Variants in CECR2 observed in about 807,000 individuals in gnomAD.
CECR2 encodes the protein CECR2 histone acetyl-lysine reader.
A neutral mutation model predicts 154.5 loss-of-function variants in CECR2; 30 were observed. That is an observed-to-expected ratio of 0.19 (90% CI 0.15 to 0.26). CECR2 has a LOEUF of 0.26. Ranked by LOEUF, CECR2 falls within the 10% of genes least tolerant of loss-of-function variation. The pLI is 1.00. For missense variants in CECR2, 1,743 were observed against 1,829.3 expected (o/e 0.95, Z 0.86); for synonymous variants, 725 against 683.7 (o/e 1.06, Z -0.94).
chr22:17,543,758 C>T (rs1407038040), intron 16 of CECR2, among the ~76,000 whole-genome samples: 1 of 152,080 alleles, frequency 6.6e-6, no homozygotes, highest in Non-Finnish European at 1.5e-5. Context: ...CAAGGTTTCA[C>T]CGTGTTGGCC....
intron 1 of CECR2, among the ~76,000 whole-genome samples, chr22:17,455,336 A>G (rs2054836405): frequency 6.6e-6 from 1 of 152,212 alleles, no homozygotes; most frequent in Admixed American, 6.5e-5. Context: ...AGAAGTTACT[A>G]TTTATTCCTC....
intron 1 of CECR2, among the ~76,000 whole-genome samples, chr22:17,370,578 C>G (rs1247540597): frequency 1.3e-5 from 2 of 152,162 alleles, no homozygotes; most frequent in African/African-American, 4.8e-5. Flanking sequence ...GCCTCTTTAT[C>G]GCGGGGCTCG....
chr22:17,525,271 G>A (rs1270842124), intron 9 of CECR2, among the ~76,000 whole-genome samples: 1 of 63,308 alleles, frequency 1.6e-5, no homozygotes, highest in Non-Finnish European at 2.8e-5. Context: ...GGCAACAAGA[G>A]TGAAACTCCA....
Position 17,549,220 on chromosome 22 carries a change from G to C in CECR2, c.3933G>C (p.Ser1311=). ...NHNAATKRQS[S]LSASEYLYGT... ...ACGCAGCTACCAAGCGGCAGAGCTC[G>C]TTGTCAGCCAGCGAGTATCTCTATG... Residue 1311 remains serine (S), a synonymous_variant, in exon 17 of 19, where the codon TCG becomes TCC. Coordinates refer to ENST00000262608, the MANE Select transcript of CECR2 (RefSeq NM_001290047.2). 1 of 1,614,004 alleles carries C rather than the reference G, an allele frequency of 6.2e-7. No homozygotes were observed. Among genetic ancestry groups the C allele is most frequent in the Non-Finnish European group, 8.5e-7 (1 of 1,179,884 alleles).
At chr22:17,367,075 A>C (rs2063005947), upstream of CECR2, among the ~76,000 whole-genome samples, 1 of 152,216 alleles carries the variant, frequency 6.6e-6, no homozygotes, top group African/African-American at 2.4e-5. Flanking sequence ...CGGATCTCCG[A>C]GCAGCACCAG....
chr22:17,412,692 C>A (rs1442197504), intron 1 of CECR2, among the ~76,000 whole-genome samples: 1 of 152,128 alleles, frequency 6.6e-6, no homozygotes. Context: ...TGTCCCTCAG[C>A]CTGCCTGGAA....
intron 1 of CECR2, among the ~76,000 whole-genome samples, chr22:17,434,062 A>G (rs1274725860): frequency 6.6e-6 from 1 of 152,088 alleles, no homozygotes; most frequent in East Asian, 1.9e-4. Flanking sequence ...CTTTTCCCCC[A>G]GTGTTTTAAA....
chr22:17,449,805 C>A, intron 1 of CECR2, among the ~76,000 whole-genome samples: 1 of 152,266 alleles, frequency 6.6e-6, no homozygotes, highest in East Asian at 1.9e-4. Flanking sequence ...ATTCTTATTT[C>A]TTAACATTTT....
At chr22:17,490,074 G>A (rs186865739) in intron 2 of CECR2, among the ~76,000 whole-genome samples, 279 of 151,670 alleles carry the variant, frequency 1.8e-3, no homozygotes, top group African/African-American at 6.4e-3. Context: ...TGACCCAAAA[G>A]TGTATTATTT....
At chr22:17,480,327 A>G (rs148891110) in intron 2 of CECR2, among the ~76,000 whole-genome samples, 1 of 151,908 alleles carries the variant, frequency 6.6e-6, no homozygotes, top group Non-Finnish European at 1.5e-5. Flanking sequence ...TGGACAAACC[A>G]CTACTGGTGT....
In CECR2 at chr22:17,555,422, C is replaced by T. The variant is rs2056762133; in HGVS notation, c.*2582C>T. 6.6e-6 allele frequency: 1 copy of T among 152,218 alleles called. No individual in the cohort carries two copies. Among genetic ancestry groups the T allele is most frequent in the Non-Finnish European group, 1.5e-5 (1 of 68,062 alleles). The allele number at this position is 152,218 out of a possible 1,614,324, so 9.4% of individuals were successfully genotyped here. On this transcript the variant is annotated 3_prime_UTR_variant, in exon 19 of 19. Coordinates refer to ENST00000262608, the MANE Select transcript of CECR2 (RefSeq NM_001290047.2). ...CCATGCCTTATAGGTACTAGTGCTTCGTCCATTGTCCAGGGAGTGTCCTGA... is the reference window on the plus strand; with the variant it reads ...CCATGCCTTATAGGTACTAGTGCTTTGTCCATTGTCCAGGGAGTGTCCTGA...
chr22:17,499,612 A>G (rs2055698621), intron 4 of CECR2, 63 bp downstream of exon 4: 2 of 1,480,788 alleles, frequency 1.4e-6, no homozygotes, highest in South Asian at 2.7e-5. Flanking sequence ...GATTAAATGC[A>G]TCAGAATTCT....
chr22:17,403,698 A>G (rs2053930766), intron 1 of CECR2, among the ~76,000 whole-genome samples: 1 of 152,162 alleles, frequency 6.6e-6, no homozygotes, highest in East Asian at 1.9e-4. Context: ...ATCTTTGGTG[A>G]TCTTCTAGTT....
intron 2 of CECR2, among the ~76,000 whole-genome samples, chr22:17,487,728 T>G (rs1406940232): frequency 6.6e-6 from 1 of 152,094 alleles, no homozygotes; most frequent in East Asian, 1.9e-4. Flanking sequence ...CTAAAATGTT[T>G]TTCCTTTTGT....
chr22:17,382,589 A>G (rs1185969713), intron 1 of CECR2, among the ~76,000 whole-genome samples: 2 of 152,234 alleles, frequency 1.3e-5, no homozygotes, highest in African/African-American at 4.8e-5. Flanking sequence ...TGTCTTAAAA[A>G]ATAATGTATA....
Position 17,507,818 on chromosome 22 carries a change from A to G in CECR2, c.870+2802A>G, listed in dbSNP as rs538760572. On this transcript the variant is annotated intron_variant, in intron 7 of 18. Transcript: ENST00000262608. ...AGTGCTTTTAAGTTCAAAAACCTCA[A>G]TGAAGTCCTATTAACCAGAAGAATA... is the stretch of plus-strand genomic sequence containing the variant. 3.3e-5 allele frequency among the ~76,000 whole-genome samples: 5 copies of G among 152,328 alleles called. No homozygotes were observed. In the East Asian group the frequency reaches 7.7e-4, roughly 23 times the overall value.
At chr22:17,488,840 A>C (rs143705323) in intron 2 of CECR2, among the ~76,000 whole-genome samples, 2,156 of 152,318 alleles carry the variant, frequency 0.014, 20 homozygotes, top group African/African-American at 0.023. Flanking sequence ...ACATGGTAAA[A>C]GTATGTTTGA....
intron 1 of CECR2, among the ~76,000 whole-genome samples, chr22:17,468,877 A>G (rs970525594): frequency 9.2e-5 from 14 of 152,182 alleles, no homozygotes; most frequent in African/African-American, 3.4e-4. Context: ...GAGTGCCAGC[A>G]TCTGGTGAGG....
rs1446178007 is a variant in CECR2 at position 17,524,216 on chromosome 22, G to A, written c.1053G>A (p.Gln351=). 1 of 1,609,942 alleles carries A rather than the reference G, an allele frequency of 6.2e-7. No individual in the cohort carries two copies. The highest frequency in any genetic ancestry group is 8.5e-7 in the Non-Finnish European group (1 of 1,178,332). The change falls in exon 9 of 19, where the codon CAG becomes CAA. Residue 351 remains glutamine, a synonymous_variant. Coordinates refer to ENST00000262608, the MANE Select transcript of CECR2 (RefSeq NM_001290047.2). ...CAGTGCAGAAGAAGGAGCAGGAGCA[G>A]ATGCTAAAGGAAGAGAGGAAACGCG... The part of the protein sequence containing the change: ...LLAVQKKEQE[Q]MLKEERKREL...
Sources: gnomAD v4.1 joint callset for allele counts (sites outside exome capture counted in the v4.1 genomes callset) on GRCh38, gnomAD v4.1.1 for gene constraint, MANE v1.5 for transcripts, NCBI Gene and HGNC (gene_info 2026-07-23, HGNC 2026-07-21) for gene names.